ATAD2: variants seen among roughly 807,000 people sequenced by gnomAD.
ATAD2 encodes ATPase family AAA domain containing 2, also known as ATPase family AAA domain-containing protein 2.
A neutral mutation model predicts 168.9 loss-of-function variants in ATAD2; 62 were observed. The observed-to-expected ratio is 0.37, with a 90% CI of 0.30 to 0.45. The LOEUF is 0.45. Ranked by LOEUF, ATAD2 falls within the 20% of genes least tolerant of loss-of-function variation. The probability of loss-of-function intolerance (pLI) is 1.00; values close to 1 mark genes in which losing one functional copy is unlikely to be tolerated. For missense variants in ATAD2, 1,419 were observed against 1,667.8 expected (o/e 0.85, Z 2.60); for synonymous variants, 613 against 571.6 (o/e 1.07, Z -1.03).
intron 8 of ATAD2, among the ~76,000 whole-genome samples, chr8:123,363,609 C>T (rs1208558646): frequency 6.6e-6 from 1 of 152,128 alleles, no homozygotes; most frequent in Non-Finnish European, 1.5e-5. Context: ...AAGTCTGCAA[C>T]TTTATATGAA....
At position 123,390,016 on chromosome 8, in the gene ATAD2, T is replaced by C. The variant is rs571751143; in HGVS notation, c.171+6171A>G. On this transcript the variant is annotated intron_variant, in intron 1 of 27. Transcript: ENST00000287394. ...TTTTTTTAGACAGAGTCTTGCTCTC[T>C]TGCCCAGGCTGGAGTGCAATGGCGC... is the stretch of plus-strand genomic sequence containing the variant. 1.7e-4 allele frequency among the ~76,000 whole-genome samples: 24 copies of C among 141,348 alleles called. 1 individual carries two copies. Among genetic ancestry groups the C allele is most frequent in the African/African-American group, 5.9e-4 (23 of 38,766 alleles). The allele number at this position is 141,348 out of a possible 152,430, so 92.7% of individuals were successfully genotyped here.
chr8:123,328,654 A>C (rs1827681927), intron 24 of ATAD2, 75 bp from the exon 25 acceptor site: 1 of 1,385,948 alleles, frequency 7.2e-7, no homozygotes, highest in African/African-American at 1.5e-5. Flanking sequence ...AAAAACCCTG[A>C]TATATGAAAG....
At chr8:123,371,610 C>A (rs1829150207) in intron 4 of ATAD2, 60 bp downstream of exon 4, 1 of 1,448,826 alleles carries the variant, frequency 6.9e-7, no homozygotes, top group East Asian at 2.3e-5. Context: ...ATCCATGATT[C>A]CTCCCCAACA....
chr8:123,343,056 C>T (rs1367114069), intron 19 of ATAD2, among the ~76,000 whole-genome samples: 2 of 151,044 alleles, frequency 1.3e-5, no homozygotes, highest in Admixed American at 1.3e-4. Context: ...GGGATCTTGG[C>T]TCACTACAAA....
chr8:123,396,606 G>T, upstream of ATAD2: 1 of 534,284 alleles, frequency 1.9e-6, no homozygotes, highest in Non-Finnish European at 3.3e-6. Context: ...AACACAGGCC[G>T]ACAGTATAGA....
intron 1 of ATAD2, among the ~76,000 whole-genome samples, chr8:123,381,520 C>A (rs1207544100): frequency 6.6e-6 from 1 of 151,806 alleles, no homozygotes; most frequent in Non-Finnish European, 1.5e-5. Context: ...CAAAACAAAA[C>A]AAAACAAAAC....
At chr8:123,325,298 T>A (rs188439352) in intron 26 of ATAD2, among the ~76,000 whole-genome samples, 2,705 of 150,514 alleles carry the variant, frequency 0.018, 85 homozygotes, top group African/African-American at 0.058. Flanking sequence ...TTATTTATTT[T>A]TTTTTTGAGA....
chr8:123,401,761 C>G lies in ATAD2; in HGVS notation c.-2281-586G>C, dbSNP rs978079509. ...TGGCTGCCACCTCGGAGGCCCCCAG[C>G]GAATAGTTCTCAGATGGGGTGCGGC... On this transcript the variant is annotated intron_variant, in intron 1 of 28. Transcript: ENST00000521903. The G allele has an allele frequency of 1.2e-5, 9 of 747,670 alleles. No individual in the cohort carries two copies. The Admixed American group carries it at 1.4e-4, about 12-fold the overall frequency. The allele number at this position is 747,670 out of a possible 1,614,324, so 46.3% of individuals were successfully genotyped here. A position where few individuals can be genotyped will look rare whatever the true frequency, so the allele number is the denominator to read the frequency against.
At chr8:123,359,508 T>C (rs536552956) in intron 10 of ATAD2, 69 bp downstream of exon 10, 1 of 1,441,194 alleles carries the variant, frequency 6.9e-7, no homozygotes, top group African/African-American at 1.4e-5. Flanking sequence ...ATTGGTTCCT[T>C]TTTTTAACTT....
chr8:123,415,028 C>A (rs1205669323), intron 1 of ATAD2, among the ~76,000 whole-genome samples: 1 of 151,984 alleles, frequency 6.6e-6, no homozygotes, highest in Non-Finnish European at 1.5e-5. Context: ...TAACGAGGTT[C>A]TGTTTTGATG....
upstream of ATAD2, among the ~76,000 whole-genome samples, chr8:123,396,621 C>T (rs1812852779): frequency 6.6e-6 from 1 of 152,254 alleles, no homozygotes; most frequent in Non-Finnish European, 1.5e-5. Context: ...TATAGAGGAC[C>T]TGAGCGGAGA....
rs184541966 is a variant in ATAD2, at chr8:123,362,066, C to T, written c.1050-420G>A. 5.3e-3 allele frequency among the ~76,000 whole-genome samples: 812 copies of T among 152,234 alleles called. 36 individuals are homozygous for T. The highest frequency in any genetic ancestry group is 0.036 in the Admixed American group (554 of 15,288). On this transcript the variant is annotated intron_variant, in intron 8 of 27. Coordinates refer to ENST00000287394, the MANE Select transcript of ATAD2 (RefSeq NM_014109.4). ...TCACTTGACAGGTGTTCAAGCACAA[C>T]GTAGCGGGACATTGTCTCCACTAAA...
chr8:123,320,974 A>G lies in ATAD2; in HGVS notation c.*160T>C. The G allele has an allele frequency of 1.6e-6, 1 of 637,496 alleles. No homozygotes were observed. Among genetic ancestry groups the G allele is most frequent in the Non-Finnish European group, 2.6e-6 (1 of 377,912 alleles). The allele number at this position is 637,496 out of a possible 1,614,324, so 39.5% of individuals were successfully genotyped here. A position where few individuals can be genotyped will look rare whatever the true frequency, so the allele number is the denominator to read the frequency against. On this transcript the variant is annotated 3_prime_UTR_variant, in exon 28 of 28. Transcript: ENST00000287394. ...TTATCTTACACATGACATTTATCTT[A>G]ATATGTACATAAATATCAGGAAAGT...
intron 1 of ATAD2, among the ~76,000 whole-genome samples, chr8:123,410,121 A>G (rs1813132600): frequency 6.6e-6 from 1 of 151,996 alleles, no homozygotes; most frequent in Non-Finnish European, 1.5e-5. Flanking sequence ...ACACCTGCCC[A>G]TTAATATCTT....
At chr8:123,400,485 C>A, upstream of ATAD2, 2 of 377,232 alleles carry the variant, frequency 5.3e-6, no homozygotes, top group South Asian at 4.1e-5. The surrounding 1 kb of genome is among the most constrained non-coding windows in gnomAD (Gnocchi z 4.5). Context: ...TTCGGGGGAA[C>A]ATAGTGAGAC....
intron 1 of ATAD2, among the ~76,000 whole-genome samples, chr8:123,384,023 G>A (rs966813560): frequency 6.6e-6 from 1 of 151,638 alleles, no homozygotes; most frequent in Admixed American, 6.6e-5. Context: ...AGAGGTTGCA[G>A]TGAGCTGAGA....
At chr8:123,367,834 T>C (rs1026970575) in intron 8 of ATAD2, among the ~76,000 whole-genome samples, 13 of 152,180 alleles carry the variant, frequency 8.5e-5, no homozygotes, top group African/African-American at 3.1e-4. Flanking sequence ...ACACAAATAG[T>C]ATTTTTTATT....
rs1812825731 is a variant in ATAD2, at chr8:123,396,299, C to T, written c.59G>A (p.Gly20Asp). ...GAAGTCACTGGACAGGTCCAAGGAG[C>T]CCGTGGCCGAGGCCGCGGAGTGGTT... The part of the protein sequence containing the change: ...LHNHSAASAT[G>D]SLDLSSDFLS... The change falls in exon 1 of 28, where the codon GGC becomes GAC. Residue 20 changes from glycine (G) to aspartate (D), a missense_variant. Physicochemically the swap from Gly to Asp is moderately conservative, Grantham distance 94. Around this residue, in one of 5 missense-constraint regions of ATAD2, gnomAD observed 419 missense variants for 423.5 expected, o/e 0.99. Transcript: ENST00000287394. 1 of 1,610,416 alleles carries T rather than the reference C, an allele frequency of 6.2e-7. No individual in the cohort carries two copies.
intron 13 of ATAD2, 56 bp from the exon 14 acceptor site, chr8:123,349,500 T>A (rs1311913969): frequency 3.4e-6 from 5 of 1,485,830 alleles, no homozygotes; most frequent in Non-Finnish European, 4.6e-6. Flanking sequence ...GTCTATATCA[T>A]TCAGTAATAT....
Sources: allele counts gnomAD v4.1 joint callset (sites outside exome capture counted in the v4.1 genomes callset), GRCh38; gene constraint gnomAD v4.1.1; regional missense constraint gnomAD v4.1.1; non-coding constraint Gnocchi (gnomAD v3.1); transcripts MANE v1.5; gene names NCBI Gene and HGNC (gene_info 2026-07-23, HGNC 2026-07-21).